The following GAB2 variants were observed in gnomAD, a reference collection of about 807,000 sequenced individuals.
GAB2 encodes GRB2 associated binding protein 2.
In GAB2, 26 loss-of-function variants were observed where a neutral mutation model predicts 65.5. That is an observed-to-expected ratio of 0.40 (90% confidence interval 0.29 to 0.55). The LOEUF (loss-of-function observed/expected upper bound fraction) is 0.55, where lower values mean the gene tolerates loss of function less well. Among genes scored for constraint, GAB2 ranks in the 20% least tolerant of loss-of-function variants. The pLI is 0.53. For synonymous variants in GAB2, 321 were observed against 329.6 expected (o/e 0.97, Z 0.28); for missense variants, 884 against 875.8 (o/e 1.01, Z -0.12).
Position 78,282,753 on chromosome 11 carries a change from C to G in GAB2, c.76-1852G>C, listed in dbSNP as rs537828527. On this transcript the variant is annotated intron_variant, in intron 1 of 9. Coordinates refer to ENST00000361507, the MANE Select transcript of GAB2 (RefSeq NM_080491.3). ...AAAGCACTTTGTATACACCCTGAAG[C>G]ACTACAAATGTCAAGGATTTGATTA... 8.5e-5 allele frequency among the ~76,000 whole-genome samples: 13 copies of G among 152,250 alleles called. No homozygotes were observed. The South Asian group carries it at 2.5e-3, about 29-fold the overall frequency.
chr11:78,317,164 G>A (rs1446519241), intron 1 of GAB2, among the ~76,000 whole-genome samples: 2 of 152,212 alleles, frequency 1.3e-5, no homozygotes, highest in African/African-American at 4.8e-5. Context: ...TGTCTAATGG[G>A]TATAGTTTCA....
chr11:78,413,844 T>C (rs540348466), intron 1 of GAB2, among the ~76,000 whole-genome samples: 7 of 152,070 alleles, frequency 4.6e-5, no homozygotes, highest in Admixed American at 2.0e-4. Context: ...ATCCCAGCAC[T>C]GTGGGAGGCC....
In GAB2 at chr11:78,225,199, G is replaced by C; in HGVS notation, c.1211C>G (p.Ser404Cys). ...TGGGTACTCGTAGGTCTCACAGGAA[G>C]AAGCTGACAGAGGAAGGAGGATTCA... ...AMDNSRLHRA[S>C]SCETYEYPQR... The change falls in exon 5 of 10, where the codon TCT becomes TGT. Residue 404 changes from serine to cysteine, a missense_variant. Physicochemically the swap from Ser to Cys is moderately radical, Grantham distance 112. Transcript: ENST00000361507. 6 of 1,602,222 alleles carry C rather than the reference G, an allele frequency of 3.7e-6. No homozygotes were observed. The highest frequency in any genetic ancestry group is 5.1e-6 in the Non-Finnish European group (6 of 1,169,240).
chr11:78,346,524 G>GT (rs1322865570), intron 1 of GAB2, among the ~76,000 whole-genome samples: 1 of 151,238 alleles, frequency 6.6e-6, no homozygotes. Flanking sequence ...TCAAATGTAG[G>GT]TACTTCTCAC....
At chr11:78,394,752 C>T (rs1172798913) in intron 1 of GAB2, among the ~76,000 whole-genome samples, 1 of 152,046 alleles carries the variant, frequency 6.6e-6, no homozygotes, top group East Asian at 1.9e-4. Context: ...TTGCCAGTTC[C>T]CCACCCAAAA....
chr11:78,325,382 C>T (rs547108344), intron 1 of GAB2, among the ~76,000 whole-genome samples: 12 of 152,264 alleles, frequency 7.9e-5, no homozygotes, highest in South Asian at 2.1e-4. Flanking sequence ...AAGTGATTTG[C>T]CTGAAGCCAC....
intron 2 of GAB2, among the ~76,000 whole-genome samples, chr11:78,276,369 C>A (rs1269079852): frequency 6.6e-6 from 1 of 152,030 alleles, no homozygotes; most frequent in East Asian, 2.0e-4. Context: ...TCTTAGCCTC[C>A]CAAATAGCTT....
intron 1 of GAB2, among the ~76,000 whole-genome samples, chr11:78,295,808 G>A (rs1415170091): frequency 6.6e-6 from 1 of 152,160 alleles, no homozygotes; most frequent in Non-Finnish European, 1.5e-5. Flanking sequence ...CTGCTGGAGG[G>A]AGAACTTTCA....
intron 1 of GAB2, among the ~76,000 whole-genome samples, chr11:78,317,558 CAA>C (rs370515492): frequency 9.9e-5 from 6 of 60,816 alleles, no homozygotes; most frequent in African/African-American, 3.7e-4. Flanking sequence ...GACTCCGTCT[CAA>C]AAAAAAAAAA....
chr11:78,297,002 G>C (rs1228146177), intron 1 of GAB2, among the ~76,000 whole-genome samples: 1 of 152,116 alleles, frequency 6.6e-6, no homozygotes, highest in African/African-American at 2.4e-5. Flanking sequence ...CCTCCCAAAG[G>C]CCCCACCTCC....
intron 8 of GAB2, 106 bp from the exon 9 acceptor site, chr11:78,220,550 C>G: frequency 1.1e-6 from 1 of 896,062 alleles, no homozygotes; most frequent in Non-Finnish European, 1.7e-6. Context: ...GAGCCCTACT[C>G]TGACACATGC....
intron 1 of GAB2, among the ~76,000 whole-genome samples, chr11:78,379,155 A>G (rs748615629): frequency 3.3e-5 from 5 of 152,202 alleles, no homozygotes; most frequent in Non-Finnish European, 7.3e-5. Flanking sequence ...TCCTGTTCAC[A>G]TTACTTCCTG....
chr11:78,292,045 A>G (rs1335226115), intron 1 of GAB2, among the ~76,000 whole-genome samples: 4 of 150,856 alleles, frequency 2.7e-5, no homozygotes. Context: ...AGAGAGAGTC[A>G]GTCTTTGTTA....
chr11:78,272,672 G>A (rs992329236), intron 2 of GAB2, among the ~76,000 whole-genome samples: 1 of 152,232 alleles, frequency 6.6e-6, no homozygotes. Flanking sequence ...CATTTTCTGA[G>A]GAGAAATTCA....
Position 78,215,502 on chromosome 11 carries a change from A to G in GAB2, c.*3770T>C, listed in dbSNP as rs1565410197. Reference sequence around the variant, plus strand: ...TTAATAACTTAAGTGATTAGGCACCAACAGTGATTTGAAAATTAAATGTCA... The same window carrying G: ...TTAATAACTTAAGTGATTAGGCACCGACAGTGATTTGAAAATTAAATGTCA... On this transcript the variant is annotated 3_prime_UTR_variant, in exon 10 of 10. Transcript: ENST00000361507. The G allele has an allele frequency of 6.5e-6, 1 of 152,690 alleles. No homozygotes were observed. Among genetic ancestry groups the G allele is most frequent in the Non-Finnish European group, 1.5e-5 (1 of 68,044 alleles). The allele number at this position is 152,690 out of a possible 1,614,324, so 9.5% of individuals were successfully genotyped here.
At chr11:78,220,980 C>T (rs1864394422) in intron 8 of GAB2, among the ~76,000 whole-genome samples, 1 of 152,230 alleles carries the variant, frequency 6.6e-6, no homozygotes, top group Admixed American at 6.5e-5. Flanking sequence ...GCTCCCCCGC[C>T]TAGCTCCTCC....
At chr11:78,307,605 A>AGC (rs1491290476) in intron 1 of GAB2, among the ~76,000 whole-genome samples, 13 of 79,954 alleles carry the variant, frequency 1.6e-4, no homozygotes, top group Middle Eastern at 5.7e-3. Context: ...AAAAAATGTT[A>AGC]GAGAGAGAGA....
chr11:78,348,863 C>T (rs1359856704), intron 1 of GAB2, among the ~76,000 whole-genome samples: 1 of 152,194 alleles, frequency 6.6e-6, no homozygotes, highest in African/African-American at 2.4e-5. Context: ...TGGAATACTA[C>T]TCAGCAATAA....
intron 1 of GAB2, among the ~76,000 whole-genome samples, chr11:78,377,326 G>A (rs1856643857): frequency 6.6e-6 from 1 of 152,174 alleles, no homozygotes; most frequent in African/African-American, 2.4e-5. Context: ...CCTTCTTGCT[G>A]TGTCCTCACA....
Sources: allele counts gnomAD v4.1 joint callset (sites outside exome capture counted in the v4.1 genomes callset), GRCh38; gene constraint gnomAD v4.1.1; transcripts MANE v1.5; gene names NCBI Gene and HGNC (gene_info 2026-07-23, HGNC 2026-07-21).